GRAMD1B: variants seen among roughly 807,000 people sequenced by gnomAD.
GRAMD1B encodes GRAM domain containing 1B, also known as protein Aster-B.
GRAMD1B carries 37 observed loss-of-function variants against 99.7 expected under a neutral mutation model. The ratio of observed to expected loss-of-function variants is 0.37; its 90% CI spans 0.29 to 0.49. GRAMD1B has a LOEUF of 0.49. Ranked by LOEUF, GRAMD1B falls within the 20% of genes least tolerant of loss-of-function variation. GRAMD1B has a pLI of 0.98. For synonymous variants in GRAMD1B, 427 were observed against 387.6 expected (o/e 1.10, Z -1.19); for missense variants, 888 against 1,009.2 (o/e 0.88, Z 1.63).
In GRAMD1B at chr11:123,510,095, A is replaced by C. The variant is rs1338295140; in HGVS notation, c.452+29202A>C. On this transcript the variant is annotated intron_variant, in intron 2 of 19. Transcript: ENST00000635736. This position sits in a 1 kb window ranked among gnomAD's most constrained non-coding sequence, Gnocchi z 4.3. The stretch of plus-strand genomic sequence containing the variant: ...TTTGCATTCTCCACCTTGCCGTGCC[A>C]GGCTCCGGCTTTGTGGCTCCGGCAC... 1 of 152,356 alleles carries C rather than the reference A, an allele frequency of 6.6e-6. No individual in the cohort carries two copies. 9.4% of individuals were successfully genotyped at this position (152,356 alleles called of 1,614,324 possible). A position where few individuals can be genotyped will look rare whatever the true frequency, so the allele number is the denominator to read the frequency against.
In GRAMD1B at chr11:123,605,383, A is replaced by G. The variant is rs1455008458; in HGVS notation, c.1228A>G (p.Ile410Val). 3.1e-6 allele frequency: 5 copies of G among 1,613,284 alleles called. No homozygotes were observed. Among genetic ancestry groups the G allele is most frequent in the East Asian group, 2.2e-5 (1 of 44,876 alleles). Residue 410 changes from isoleucine (I) to valine (V), a missense_variant, in exon 10 of 20, where the codon ATA (isoleucine) becomes GTA (valine). By Grantham distance (29) the Ile-to-Val change is conservative. Transcript: ENST00000635736. ...EVNDSSSKSS[I>V]ETKPDASPQL... The stretch of plus-strand genomic sequence containing the variant: ...GAATGACAGCTCATCCAAGAGCAGC[A>G]TAGAGACCAAGCCAGATGCCAGTCC...
At chr11:123,467,841 C>CCTTCCTTCCTTCCTTCCTTCCTTCCTT (rs61266237) in intron 1 of GRAMD1B, among the ~76,000 whole-genome samples, 44 of 109,354 alleles carry the variant, frequency 4.0e-4, no homozygotes, top group Non-Finnish European at 6.5e-4. Context: ...CTCCCTCCCT[C>CCTTCCTTCCTTCCTTCCTTCCTTCCTT]CCTTCCTTCC....
In GRAMD1B at chr11:123,606,532, T is replaced by G. The variant is rs1148090; in HGVS notation, c.1324-77T>G. ...CTGGGAGTATGAGAGCTGCCAAGGC[T>G]GCATCCCTAATCTCCCTTTGGAGAA... On this transcript the variant is annotated intron_variant, in intron 10 of 19. Transcript: ENST00000635736. 2.7e-3 allele frequency: 3,479 copies of G among 1,304,798 alleles called. 14 individuals are homozygous for G. Among genetic ancestry groups the G allele is most frequent in the Admixed American group, 3.3e-3 (156 of 47,166 alleles). 80.8% of individuals were successfully genotyped at this position (1,304,798 alleles called of 1,614,324 possible). A position where few individuals can be genotyped will look rare whatever the true frequency, so the allele number is the denominator to read the frequency against.
rs149437951 is a variant in GRAMD1B at position 123,437,301 on chromosome 11, C to T, written c.374+6135C>T. Among the ~76,000 whole-genome samples the T allele has an allele frequency of 3.3e-3, 499 of 152,218 alleles. 2 individuals carry two copies. Among genetic ancestry groups the T allele is most frequent in the African/African-American group, 0.011 (443 of 41,514 alleles). On this transcript the variant is annotated intron_variant, in intron 1 of 19. Coordinates refer to ENST00000635736, the MANE Select transcript of GRAMD1B (RefSeq NM_001387025.1). Reference sequence around the variant, plus strand: ...ACTGGTTGTGGTGATTGTTCAGAACCCAAACTGAGGATTGGAACCCTTCTC... The same window carrying T: ...ACTGGTTGTGGTGATTGTTCAGAACTCAAACTGAGGATTGGAACCCTTCTC...
At chr11:123,525,114 G>A (rs943126821) in intron 2 of GRAMD1B, among the ~76,000 whole-genome samples, 1 of 152,192 alleles carries the variant, frequency 6.6e-6, no homozygotes, top group Non-Finnish European at 1.5e-5. Context: ...CCTAAACCAG[G>A]CCTTTGTGGT....
chr11:123,362,945 A>G (rs1946194542), intron 1 of GRAMD1B, among the ~76,000 whole-genome samples: 1 of 150,412 alleles, frequency 6.6e-6, no homozygotes, highest in Non-Finnish European at 1.5e-5. Context: ...CATAGAAATG[A>G]TGAGGGAGGG....
chr11:123,614,895 C>A (rs961997437), intron 17 of GRAMD1B, 60 bp downstream of exon 17: 1 of 969,586 alleles, frequency 1.0e-6, no homozygotes, highest in Non-Finnish European at 1.6e-6. Flanking sequence ...AGCCTGGTGC[C>A]CCAGCCCTCG....
chr11:123,598,394 T>C, intron 7 of GRAMD1B: 2 of 955,846 alleles, frequency 2.1e-6, no homozygotes, highest in Non-Finnish European at 3.5e-6. Context: ...CTCGCTCTTC[T>C]CCTGTCCTTG....
At chr11:123,598,985 C>T (rs535105520) in intron 7 of GRAMD1B, 1 of 1,058,528 alleles carries the variant, frequency 9.4e-7, no homozygotes, top group East Asian at 2.4e-5. Context: ...AATCCAGCTT[C>T]TCAGATGCCT....
chr11:123,612,631 A>C, intron 14 of GRAMD1B, 130 bp from the exon 15 acceptor site: 1 of 701,610 alleles, frequency 1.4e-6, no homozygotes, highest in East Asian at 2.7e-5. Flanking sequence ...TGGATGTGGA[A>C]GGACCTTTTA....
At chr11:123,528,790 A>T (rs1455945874) in intron 2 of GRAMD1B, among the ~76,000 whole-genome samples, 1 of 152,190 alleles carries the variant, frequency 6.6e-6, no homozygotes, top group Non-Finnish European at 1.5e-5. Flanking sequence ...TTCTTACTAT[A>T]ACCTCATGAA....
chr11:123,523,505 GAGA>G (rs1304079061), intron 2 of GRAMD1B, among the ~76,000 whole-genome samples: 2 of 150,996 alleles, frequency 1.3e-5, no homozygotes, highest in African/African-American at 4.9e-5. Context: ...ATTAATAGCT[GAGA>G]AGGAGTTGAC....
At chr11:123,598,781 C>T (rs1951598654) in intron 7 of GRAMD1B, 1 of 947,904 alleles carries the variant, frequency 1.1e-6, no homozygotes, top group Admixed American at 1.7e-5. Context: ...CAGGAAAGAT[C>T]CCATTCTCCC....
At chr11:123,597,506 C>T (rs1205662666) in intron 7 of GRAMD1B, among the ~76,000 whole-genome samples, 2 of 152,200 alleles carry the variant, frequency 1.3e-5, no homozygotes, top group East Asian at 3.9e-4. Flanking sequence ...CAATGGCTAA[C>T]TAAGCTGATG....
intron 1 of GRAMD1B, among the ~76,000 whole-genome samples, chr11:123,455,737 C>T (rs1950086895): frequency 6.6e-6 from 1 of 151,980 alleles, no homozygotes; most frequent in African/African-American, 2.4e-5. Flanking sequence ...TTTTATTTTT[C>T]TCTGTTGATG....
intron 2 of GRAMD1B, among the ~76,000 whole-genome samples, chr11:123,549,071 A>G (rs1316462691): frequency 6.6e-6 from 1 of 152,128 alleles, no homozygotes; most frequent in Non-Finnish European, 1.5e-5. Context: ...AGTTAGTTGG[A>G]GGTGATGAAA....
At position 123,401,785 on chromosome 11, in the gene GRAMD1B, G is replaced by A. The variant is rs559224227; in HGVS notation, c.-176+42986G>A. Among the ~76,000 whole-genome samples, 49 of 152,178 alleles carry A rather than the reference G, an allele frequency of 3.2e-4. No homozygotes were observed. The South Asian group carries it at 8.7e-3, about 27-fold the overall frequency. On this transcript the variant is annotated intron_variant, in intron 1 of 20. Transcript: ENST00000638157. Reference sequence around the variant, plus strand: ...TTAGCCAGGGGTGGTGGCATGTGCCGGCAGTCCCAGCTACTCAGAAAGCTG... The same window carrying A: ...TTAGCCAGGGGTGGTGGCATGTGCCAGCAGTCCCAGCTACTCAGAAAGCTG...
rs182906789 is a variant in GRAMD1B at position 123,567,393 on chromosome 11, T to G, written c.453-9974T>G. Among the ~76,000 whole-genome samples the G allele has an allele frequency of 1.3e-3, 191 of 152,328 alleles. No homozygotes were observed. The Middle Eastern group carries it at 0.014, about 11-fold the overall frequency. On this transcript the variant is annotated intron_variant, in intron 2 of 19. Coordinates refer to ENST00000635736, the MANE Select transcript of GRAMD1B (RefSeq NM_001387025.1). ...GATGAGCCCTTTGGGTAAAGTGATT[T>G]ATGTCTGATTTCTGACACTGGTTCT...
chr11:123,447,512 T>A (rs1949696257), intron 1 of GRAMD1B, among the ~76,000 whole-genome samples: 1 of 152,084 alleles, frequency 6.6e-6, no homozygotes. Context: ...GGGTGACAGT[T>A]TTTCCTAGGA....
Sources: gnomAD v4.1 joint callset for allele counts (sites outside exome capture counted in the v4.1 genomes callset) on GRCh38, gnomAD v4.1.1 for gene constraint, Gnocchi (gnomAD v3.1) non-coding constraint, MANE v1.5 for transcripts, NCBI Gene and HGNC (gene_info 2026-07-23, HGNC 2026-07-21) for gene names.